Variants in BNC2 observed in about 807,000 individuals in gnomAD.
The protein encoded by BNC2 is basonuclin zinc finger protein 2.
In BNC2, 20 loss-of-function variants were observed where a neutral mutation model predicts 76.3. That is an observed-to-expected ratio of 0.26 (90% CI 0.18 to 0.38). The LOEUF is 0.38. Among genes scored for constraint, BNC2 ranks in the 10% least tolerant of loss-of-function variants. BNC2 has a pLI of 1.00. For synonymous variants in BNC2, 582 were observed against 514.8 expected (o/e 1.13, Z -1.77); for missense variants, 1,382 against 1,399.8 (o/e 0.99, Z 0.20).
chr9:16,802,245 T>C (rs914789406), intron 1 of BNC2, among the ~76,000 whole-genome samples: 3 of 152,184 alleles, frequency 2.0e-5, no homozygotes, highest in Admixed American at 6.5e-5. Flanking sequence ...TAGTAATTAT[T>C]GCCGAGAAAC....
At chr9:16,751,011 A>T (rs934732091) in intron 1 of BNC2, among the ~76,000 whole-genome samples, 8 of 152,176 alleles carry the variant, frequency 5.3e-5, no homozygotes, top group Non-Finnish European at 1.2e-4. Flanking sequence ...GGCCCACCTC[A>T]GACTCTCAAA....
chr9:16,631,116 T>G (rs754048677), intron 3 of BNC2, among the ~76,000 whole-genome samples: 3 of 152,090 alleles, frequency 2.0e-5, no homozygotes, highest in Admixed American at 6.5e-5. Flanking sequence ...ACGTGTGTGT[T>G]CTCTATAAAA....
chr9:16,557,283 G>T (rs971482673), intron 4 of BNC2, among the ~76,000 whole-genome samples: 3 of 152,084 alleles, frequency 2.0e-5, no homozygotes, highest in Non-Finnish European at 4.4e-5. Context: ...CGAATAACCC[G>T]AGGTCAGGAG....
intron 3 of BNC2, among the ~76,000 whole-genome samples, chr9:16,641,342 T>C (rs1431462040): frequency 6.6e-6 from 1 of 152,196 alleles, no homozygotes; most frequent in Non-Finnish European, 1.5e-5. Flanking sequence ...AGTGGTCAGA[T>C]GAGTGGGACA....
intron 3 of BNC2, among the ~76,000 whole-genome samples, chr9:16,698,225 T>C (rs1197429327): frequency 6.6e-6 from 1 of 152,160 alleles, no homozygotes; most frequent in East Asian, 1.9e-4. Flanking sequence ...TGCAAAATTA[T>C]GCTGCCTTCC....
intron 3 of BNC2, among the ~76,000 whole-genome samples, chr9:16,619,845 TA>T (rs1233271620): frequency 6.6e-6 from 1 of 152,162 alleles, no homozygotes; most frequent in East Asian, 1.9e-4. Context: ...AAGGGGATTT[TA>T]AAAAAGAAAG....
intron 3 of BNC2, among the ~76,000 whole-genome samples, chr9:16,697,438 G>A (rs1023310798): frequency 6.7e-6 from 1 of 150,210 alleles, no homozygotes; most frequent in African/African-American, 2.5e-5. Context: ...AGTATACGAT[G>A]TGGCAGGGCA....
At chr9:16,683,195 T>C (rs752637749) in intron 3 of BNC2, among the ~76,000 whole-genome samples, 1 of 152,144 alleles carries the variant, frequency 6.6e-6, no homozygotes, top group Non-Finnish European at 1.5e-5. Flanking sequence ...CAGTAGGGGA[T>C]CTTGGGATTA....
At chr9:16,569,361 C>T (rs998026386) in intron 4 of BNC2, among the ~76,000 whole-genome samples, 6 of 151,990 alleles carry the variant, frequency 3.9e-5, no homozygotes, top group African/African-American at 9.7e-5. Context: ...CACTGTCCTA[C>T]GGATTTTAAT....
intron 4 of BNC2, among the ~76,000 whole-genome samples, chr9:16,569,638 AG>A (rs1157729389): frequency 5.9e-5 from 9 of 152,326 alleles, no homozygotes; most frequent in African/African-American, 1.7e-4. Context: ...TAGATTAAAC[AG>A]GTCCTTGGTT....
chr9:16,584,284 A>T (rs1301519157), intron 3 of BNC2, among the ~76,000 whole-genome samples: 3 of 152,186 alleles, frequency 2.0e-5, no homozygotes, highest in Non-Finnish European at 2.9e-5. Flanking sequence ...ATATTTCTGG[A>T]ACCATTAGGA....
At chr9:16,741,668 A>G (rs1404690752) in intron 1 of BNC2, among the ~76,000 whole-genome samples, 3 of 152,026 alleles carry the variant, frequency 2.0e-5, no homozygotes, top group Admixed American at 6.6e-5. Context: ...GCTCTAAAAC[A>G]TGCACCATGA....
intron 2 of BNC2, among the ~76,000 whole-genome samples, chr9:16,732,767 C>T (rs889539706): frequency 6.6e-6 from 1 of 152,144 alleles, no homozygotes; most frequent in Non-Finnish European, 1.5e-5. Flanking sequence ...CTTGTCAAGA[C>T]AAAACTGTCC....
At position 16,685,561 on chromosome 9, in the gene BNC2, T is replaced by C. The variant is rs905559538; in HGVS notation, c.330+42236A>G. The C allele has an allele frequency of 3.1e-6, 4 of 1,304,046 alleles. No homozygotes were observed. The Admixed American group carries it at 6.9e-5, about 22-fold the overall frequency. The allele number at this position is 1,304,046 out of a possible 1,614,324, so 80.8% of individuals were successfully genotyped here. On this transcript the variant is annotated intron_variant, in intron 3 of 6. Transcript: ENST00000380672. ...GACTCTAACCTGGACTTCCAGCCTG[T>C]GGTATGGCTCCTCCAGGTTTGGGCA...
At chr9:16,619,247 C>T (rs1341982957) in intron 3 of BNC2, among the ~76,000 whole-genome samples, 1 of 152,048 alleles carries the variant, frequency 6.6e-6, no homozygotes, top group Non-Finnish European at 1.5e-5. Context: ...CAATGTTTTT[C>T]TCAAGAATAC....
In BNC2 at chr9:16,793,702, G is replaced by T. The variant is rs1817572874; in HGVS notation, c.4-55217C>A. Among the ~76,000 whole-genome samples, 5 of 113,260 alleles carry T rather than the reference G, an allele frequency of 4.4e-5. No homozygotes were observed. The Admixed American group carries it at 6.6e-4, about 15-fold the overall frequency. The allele number at this position is 113,260 out of a possible 152,430, so 74.3% of individuals were successfully genotyped here. A position where few individuals can be genotyped will look rare whatever the true frequency, so the allele number is the denominator to read the frequency against. On this transcript the variant is annotated intron_variant, in intron 1 of 6. Coordinates refer to ENST00000380672, the MANE Select transcript of BNC2 (RefSeq NM_017637.6). ...TTTTTTTGAGAGGGAGTCTCACTCT[G>T]TCCCCCAGGCTTGAGTGCAGTGGCG...
At chr9:16,786,517 T>C (rs1563942771) in intron 1 of BNC2, among the ~76,000 whole-genome samples, 1 of 152,312 alleles carries the variant, frequency 6.6e-6, no homozygotes, top group East Asian at 1.9e-4. Flanking sequence ...TAAAGAAAAT[T>C]ACTTTATCCC....
Position 16,645,066 on chromosome 9 carries a change from T to A in BNC2, c.331-61981A>T, listed in dbSNP as rs113152572. On this transcript the variant is annotated intron_variant, in intron 3 of 6. Coordinates refer to ENST00000380672, the MANE Select transcript of BNC2 (RefSeq NM_017637.6). The stretch of plus-strand genomic sequence containing the variant: ...TCATTCCTGACTGCTGTCATAATAG[T>A]CTCTTAGGTAAACTCTTAACACATA... Among the ~76,000 whole-genome samples, 122 of 152,328 alleles carry A rather than the reference T, an allele frequency of 8.0e-4. 1 individual carries two copies. The highest frequency in any genetic ancestry group is 2.6e-3 in the African/African-American group (108 of 41,576).
chr9:16,496,145 GTGATCCGCCCGCCTCA>G (rs1278059677), intron 5 of BNC2, among the ~76,000 whole-genome samples: 13 of 151,854 alleles, frequency 8.6e-5, no homozygotes, highest in Admixed American at 8.5e-4. Context: ...CTGACCTCAG[GTGATCCGCCCGCCTCA>G]GCCTCCCAAA....
Sources: allele counts gnomAD v4.1 joint callset (sites outside exome capture counted in the v4.1 genomes callset), GRCh38; gene constraint gnomAD v4.1.1; transcripts MANE v1.5; gene names NCBI Gene and HGNC (gene_info 2026-07-23, HGNC 2026-07-21).